Variants in SYT16 observed in about 807,000 individuals in gnomAD.
SYT16 encodes the protein synaptotagmin-16.
A neutral mutation model predicts 61.4 loss-of-function variants in SYT16; 42 were observed. The ratio of observed to expected loss-of-function variants is 0.68; its 90% CI spans 0.53 to 0.89. The LOEUF (loss-of-function observed/expected upper bound fraction) is 0.89. Ranked by LOEUF, SYT16 falls within the 40% of genes least tolerant of loss-of-function variation. The probability of loss-of-function intolerance (pLI) is 0.00; values close to 1 mark genes in which losing one functional copy is unlikely to be tolerated. For synonymous variants in SYT16, 314 were observed against 302.3 expected (o/e 1.04, Z -0.40); for missense variants, 804 against 807.3 (o/e 1.00, Z 0.05).
At chr14:61,888,125 CTTTTT>C (rs756842240) in intron 1 of SYT16, among the ~76,000 whole-genome samples, 3 of 134,194 alleles carry the variant, frequency 2.2e-5, no homozygotes, top group Non-Finnish European at 3.2e-5. Flanking sequence ...CTTTTCTTTT[CTTTTT>C]TTTTTTTTTT....
chr14:61,998,208 G>A lies in SYT16; in HGVS notation c.523+1666G>A, dbSNP rs115345501. Among the ~76,000 whole-genome samples the A allele has an allele frequency of 8.0e-3, 1,217 of 151,830 alleles. 12 individuals carry two copies. Among genetic ancestry groups the A allele is most frequent in the African/African-American group, 0.028 (1,143 of 41,440 alleles). ...ACATATTCTTTTTTTTCCTCTTAAA[G>A]GTATAATTTACTATAATAAAATTCA... On this transcript the variant is annotated intron_variant, in intron 3 of 7. Coordinates refer to ENST00000683842, the MANE Select transcript of SYT16 (RefSeq NM_001367656.1).
At chr14:62,044,001 C>T (rs114244603) in intron 3 of SYT16, among the ~76,000 whole-genome samples, 2,320 of 152,110 alleles carry the variant, frequency 0.015, 64 homozygotes, top group African/African-American at 0.053. Flanking sequence ...TCTTAATGTA[C>T]CACTGACCCT....
At position 61,956,415 on chromosome 14, in the gene SYT16, C is replaced by T. The variant is rs574070654; in HGVS notation, c.-324-13717C>T. Among the ~76,000 whole-genome samples the T allele has an allele frequency of 3.9e-5, 6 of 152,080 alleles. No homozygotes were observed. In the South Asian group the frequency reaches 1.2e-3, roughly 32 times the overall value. ...GCAGCTTTTAAAACTACGTTTTCTT[C>T]TAAAAGTGTTATTGTTTCAGGTCTT... is the stretch of plus-strand genomic sequence containing the variant. On this transcript the variant is annotated intron_variant, in intron 1 of 7. Transcript: ENST00000683842.
At chr14:61,838,071 C>T (rs1019019445) in intron 1 of SYT16, among the ~76,000 whole-genome samples, 1 of 152,204 alleles carries the variant, frequency 6.6e-6, no homozygotes, top group Admixed American at 6.5e-5. Context: ...TGTTATGTCT[C>T]AAAGCTGTTT....
At chr14:61,847,571 C>T (rs1450490299) in intron 1 of SYT16, among the ~76,000 whole-genome samples, 3 of 152,004 alleles carry the variant, frequency 2.0e-5, no homozygotes, top group Non-Finnish European at 4.4e-5. Flanking sequence ...GTTCTATAAC[C>T]TTCTTGTACT....
At chr14:61,866,996 A>G (rs1234042236) in intron 1 of SYT16, among the ~76,000 whole-genome samples, 1 of 151,600 alleles carries the variant, frequency 6.6e-6, no homozygotes, top group African/African-American at 2.4e-5. Context: ...TTTTAATAGC[A>G]CTTGTTGAGA....
At chr14:61,817,077 G>A (rs1165436491) in intron 1 of SYT16, among the ~76,000 whole-genome samples, 2 of 151,386 alleles carry the variant, frequency 1.3e-5, no homozygotes, top group Non-Finnish European at 2.9e-5. Context: ...AAAATGGGGG[G>A]AAAACCTGGA....
In SYT16 at chr14:62,088,183, C is replaced by T. The variant is rs117714713; in HGVS notation, c.1624+3798C>T. Among the ~76,000 whole-genome samples, 765 of 152,172 alleles carry T rather than the reference C, an allele frequency of 5.0e-3. 4 individuals are homozygous for T. Among genetic ancestry groups the T allele is most frequent in the East Asian group, 0.038 (195 of 5,190 alleles). On this transcript the variant is annotated intron_variant, in intron 7 of 7. Transcript: ENST00000683842. ...ATGTTTATAGCAGCTTTATTCATAACGACAAAAACTAGACAGTCCTCACGC... is the reference window on the plus strand; with the variant it reads ...ATGTTTATAGCAGCTTTATTCATAATGACAAAAACTAGACAGTCCTCACGC...
chr14:61,939,176 CA>C (rs766141228), intron 1 of SYT16, among the ~76,000 whole-genome samples: 1 of 152,048 alleles, frequency 6.6e-6, no homozygotes, highest in Non-Finnish European at 1.5e-5. Flanking sequence ...GGACATGAAC[CA>C]GGGCATTATG....
Position 62,105,859 on chromosome 14 carries a change from C to T in SYT16, c.*5152C>T, listed in dbSNP as rs1290774909. ...TCCTAATATAATCAAATTGCCAAAG[C>T]ACTGTTTTGAGTCCTCGGTATCCCA... On this transcript the variant is annotated 3_prime_UTR_variant, in exon 8 of 8. Coordinates refer to ENST00000683842, the MANE Select transcript of SYT16 (RefSeq NM_001367656.1). 1 of 152,154 alleles carries T rather than the reference C, an allele frequency of 6.6e-6. No individual in the cohort carries two copies. The highest frequency in any genetic ancestry group is 2.4e-5 in the African/African-American group (1 of 41,418). 9.4% of individuals were successfully genotyped at this position (152,154 alleles called of 1,614,324 possible). A position where few individuals can be genotyped will look rare whatever the true frequency, so the allele number is the denominator to read the frequency against.
intron 7 of SYT16, among the ~76,000 whole-genome samples, chr14:62,100,113 C>A (rs535008415): frequency 6.6e-6 from 1 of 152,168 alleles, no homozygotes; most frequent in African/African-American, 2.4e-5. Flanking sequence ...TGCCTGTGCA[C>A]GAATGTATAC....
Position 62,018,550 on chromosome 14 carries a change from G to A in SYT16, c.523+22008G>A, listed in dbSNP as rs189018719. 2.8e-4 allele frequency among the ~76,000 whole-genome samples: 43 copies of A among 151,728 alleles called. No homozygotes were observed. In the East Asian group the frequency reaches 5.6e-3, roughly 20 times the overall value. On this transcript the variant is annotated intron_variant, in intron 3 of 7. Transcript: ENST00000683842. The stretch of plus-strand genomic sequence containing the variant: ...TCGAACTCCTGACCTCAGGTGATCC[G>A]CCCACCCTGGCCTCCCAAAGTGCTG...
chr14:62,103,180 A>T lies in SYT16; in HGVS notation c.*2473A>T, dbSNP rs1182939938. ...TAAGATCTTTTGATTTTGTGCACTTAAACTCCCTTATTTTCTTGGCAAAGT... is the reference window on the plus strand; with the variant it reads ...TAAGATCTTTTGATTTTGTGCACTTTAACTCCCTTATTTTCTTGGCAAAGT... On this transcript the variant is annotated 3_prime_UTR_variant, in exon 8 of 8. Transcript: ENST00000683842. 6.6e-6 allele frequency: 1 copy of T among 152,194 alleles called. No homozygotes were observed. The highest frequency in any genetic ancestry group is 1.5e-5 in the Non-Finnish European group (1 of 68,020). 9.4% of individuals were successfully genotyped at this position (152,194 alleles called of 1,614,324 possible).
At chr14:61,832,168 CCTT>C (rs1390571094) in intron 1 of SYT16, 2 of 684,180 alleles carry the variant, frequency 2.9e-6, no homozygotes, top group African/African-American at 3.5e-5. Flanking sequence ...CTCCAGGAGG[CCTT>C]CTCCTTCTTC....
chr14:61,871,012 A>G (rs2047315450), intron 1 of SYT16, among the ~76,000 whole-genome samples: 1 of 152,062 alleles, frequency 6.6e-6, no homozygotes, highest in Non-Finnish European at 1.5e-5. Flanking sequence ...ATATTGTTGG[A>G]CGGTGGTTCA....
At position 62,056,931 on chromosome 14, in the gene SYT16, G is replaced by A. The variant is rs572776646; in HGVS notation, c.524-12672G>A. Among the ~76,000 whole-genome samples, 13 of 152,286 alleles carry A rather than the reference G, an allele frequency of 8.5e-5. No homozygotes were observed. The East Asian group carries it at 2.3e-3, about 27-fold the overall frequency. ...AGCGGCAGCAGCGAGCAGGGGGCAC[G>A]GGATGCAGGGAGGCTCTTCGGGAGG... On this transcript the variant is annotated intron_variant, in intron 3 of 7. Coordinates refer to ENST00000683842, the MANE Select transcript of SYT16 (RefSeq NM_001367656.1).
chr14:61,862,811 T>C (rs1205671352), intron 1 of SYT16, among the ~76,000 whole-genome samples: 1 of 152,234 alleles, frequency 6.6e-6, no homozygotes, highest in Non-Finnish European at 1.5e-5. Context: ...ATTACTGATA[T>C]TTTTACTGTC....
At chr14:61,925,779 G>A (rs1382498875) in intron 1 of SYT16, among the ~76,000 whole-genome samples, 1 of 152,148 alleles carries the variant, frequency 6.6e-6, no homozygotes, top group Non-Finnish European at 1.5e-5. Context: ...TTACCTTGAA[G>A]GTGAGAGAGA....
intron 1 of SYT16, among the ~76,000 whole-genome samples, chr14:61,939,555 C>T (rs116485663): frequency 4.4e-4 from 67 of 152,298 alleles, no homozygotes; most frequent in African/African-American, 8.9e-4. Context: ...TGTCTTCATA[C>T]GATCTTTCCT....
Sources: allele counts gnomAD v4.1 joint callset (sites outside exome capture counted in the v4.1 genomes callset), GRCh38; gene constraint gnomAD v4.1.1; transcripts MANE v1.5; gene names NCBI Gene and HGNC (gene_info 2026-07-23, HGNC 2026-07-21).